Variants in COL18A1 observed in about 807,000 individuals in gnomAD.
COL18A1 encodes collagen type XVIII alpha 1 chain, also known as collagen alpha-1(XVIII) chain.
COL18A1 carries 133 observed loss-of-function variants against 168.0 expected under a neutral mutation model. The observed-to-expected ratio is 0.79, with a 90% confidence interval of 0.69 to 0.91. COL18A1 has a LOEUF of 0.91. COL18A1 is among the 40% of genes least tolerant of loss of function. The probability of loss-of-function intolerance (pLI) is 0.00; values close to 1 mark genes in which losing one functional copy is unlikely to be tolerated. For synonymous variants in COL18A1, 949 were observed against 809.0 expected, an observed-to-expected ratio of 1.17 and a Z score of -2.94; for missense variants, 2,126 against 1,925.4, an observed-to-expected ratio of 1.10 and a Z score of -1.95.
intron 2 of COL18A1, among the ~76,000 whole-genome samples, chr21:45,427,565 C>T (rs766079585): frequency 7.9e-5 from 12 of 152,324 alleles, no homozygotes; most frequent in Admixed American, 3.3e-4. Context: ...CACACCTCTG[C>T]GGTGTGTCTG....
Position 45,473,336 on chromosome 21 carries a change from G to A in COL18A1, c.652-559G>A, listed in dbSNP as rs1012181801. The stretch of plus-strand genomic sequence containing the variant: ...TGGGTGAGTGAGTGAGATTGGGTCC[G>A]GACGGAATGGGCGCAGAGATCCAGG... On this transcript the variant is annotated intron_variant, in intron 3 of 41. Coordinates refer to ENST00000651438, the MANE Select transcript of COL18A1 (RefSeq NM_001379500.1). This position sits in a 1 kb window ranked among gnomAD's most constrained non-coding sequence, Gnocchi z 4.0. Among the ~76,000 whole-genome samples the A allele has an allele frequency of 6.6e-5, 10 of 152,348 alleles. No homozygotes were observed. Among genetic ancestry groups the A allele is most frequent in the East Asian group, 3.9e-4 (2 of 5,172 alleles).
In COL18A1 at chr21:45,510,882, A is replaced by G. The variant is rs4605457; in HGVS notation, c.3694-229A>G. Among the ~76,000 whole-genome samples the G allele has an allele frequency of 0.64, 96,417 of 149,978 alleles. 31,793 individuals carry two copies. The highest frequency in any genetic ancestry group is 0.79 in the African/African-American group (32,214 of 40,634). On this transcript the variant is annotated intron_variant, in intron 40 of 41. Coordinates refer to ENST00000651438, the MANE Select transcript of COL18A1 (RefSeq NM_001379500.1). ...CTGCCTGGCCAGGCCTGGCTCCCCCACGCTTGTTCCCTGGCAGGACATGCC... is the reference window on the plus strand; with the variant it reads ...CTGCCTGGCCAGGCCTGGCTCCCCCGCGCTTGTTCCCTGGCAGGACATGCC...
At chr21:45,481,803 G>A (rs1377299764) in intron 13 of COL18A1, among the ~76,000 whole-genome samples, 160 bp from the exon 14 acceptor site, 1 of 152,230 alleles carries the variant, frequency 6.6e-6, no homozygotes, top group Non-Finnish European at 1.5e-5. Context: ...TACGCAGGCT[G>A]TGGGGTCTCC....
chr21:45,484,637 G>A (rs919397373), intron 15 of COL18A1, among the ~76,000 whole-genome samples: 6 of 151,800 alleles, frequency 4.0e-5, no homozygotes, highest in African/African-American at 2.4e-5. Context: ...TCTGGGGCAT[G>A]TGCACACGCA....
rs557456475 is a variant in COL18A1, at chr21:45,443,596, C to T, written c.107-24646C>T. On this transcript the variant is annotated intron_variant, in intron 2 of 41. Transcript: ENST00000651438. The surrounding 1 kb of genome is among the most constrained non-coding windows in gnomAD (Gnocchi z 5.2). ...GTGTGGACTGTGCTGAACTGTTCTC[C>T]GACAGGCGGCCCTTTTTCTCCCACG... Among the ~76,000 whole-genome samples, 126 of 152,102 alleles carry T rather than the reference C, an allele frequency of 8.3e-4. No homozygotes were observed. Among genetic ancestry groups the T allele is most frequent in the Non-Finnish European group, 4.7e-4 (32 of 68,002 alleles).
chr21:45,506,087 T>G (rs1277826326), intron 37 of COL18A1, 121 bp downstream of exon 37: 1 of 1,478,220 alleles, frequency 6.8e-7, no homozygotes, highest in Non-Finnish European at 9.3e-7. Flanking sequence ...AGCCAGCGCT[T>G]CTTAAACTTT....
At chr21:45,459,594 T>C (rs1336316955) in intron 2 of COL18A1, among the ~76,000 whole-genome samples, 1 of 152,094 alleles carries the variant, frequency 6.6e-6, no homozygotes, top group Non-Finnish European at 1.5e-5. Flanking sequence ...TGCTGGGGCG[T>C]GGGGGGCGCT....
At chr21:45,451,506 G>A (rs2034621565) in intron 2 of COL18A1, among the ~76,000 whole-genome samples, 1 of 152,218 alleles carries the variant, frequency 6.6e-6, no homozygotes, top group Non-Finnish European at 1.5e-5. Flanking sequence ...CCACGGGGTT[G>A]GCGAGCCATG....
At position 45,468,477 on chromosome 21, in the gene COL18A1, G is replaced by A. The variant is rs765122462; in HGVS notation, c.342G>A (p.Ser114=). ...GGGTGCTGTTCGCCATCACGGACTCGGCGCAGGCCATGGTCTTGCTGGGCG... is the reference window on the plus strand; with the variant it reads ...GGGTGCTGTTCGCCATCACGGACTCAGCGCAGGCCATGGTCTTGCTGGGCG... ...GPGVLFAITD[S]AQAMVLLGVK... The change falls in exon 3 of 42, where the codon TCG becomes TCA. Residue 114 remains serine, a synonymous_variant. Coordinates refer to ENST00000651438, the MANE Select transcript of COL18A1 (RefSeq NM_001379500.1). 6 of 1,613,934 alleles carry A rather than the reference G, an allele frequency of 3.7e-6. No individual in the cohort carries two copies. The highest frequency in any genetic ancestry group is 1.1e-5 in the South Asian group (1 of 91,090).
At chr21:45,431,104 C>G (rs78754819) in intron 2 of COL18A1, among the ~76,000 whole-genome samples, 1 of 152,164 alleles carries the variant, frequency 6.6e-6, no homozygotes, top group East Asian at 1.9e-4. Flanking sequence ...CGCTCCTGTG[C>G]GGGAGGAGGT....
intron 2 of COL18A1, among the ~76,000 whole-genome samples, chr21:45,411,759 C>CGGGGGGGGGGGGGG (rs1437966551): frequency 6.6e-4 from 5 of 7,574 alleles, no homozygotes; most frequent in African/African-American, 2.7e-3. Context: ...GGGCTGATGG[C>CGGGGGGGGGGGGGG]GGGGGGTGGG....
At chr21:45,468,815 A>T in intron 3 of COL18A1, 29 bp downstream of exon 3, 1 of 1,444,040 alleles carries the variant, frequency 6.9e-7, no homozygotes, top group Non-Finnish European at 9.4e-7. Context: ...TCGCTGGGGG[A>T]CTGGAGCAGC....
chr21:45,476,770 A>G (rs1289586066), intron 6 of COL18A1, among the ~76,000 whole-genome samples: 1 of 134,558 alleles, frequency 7.4e-6, no homozygotes, highest in Non-Finnish European at 1.6e-5. Context: ...TGGTGTGTGT[A>G]TTGTGTGTGG....
In COL18A1 at chr21:45,509,516, C is replaced by T; in HGVS notation, c.3410C>T (p.Ala1137Val). 1 of 1,532,404 alleles carries T rather than the reference C, an allele frequency of 6.5e-7. No homozygotes were observed. The highest frequency in any genetic ancestry group is 8.8e-7 in the Non-Finnish European group (1 of 1,138,254). 94.9% of individuals were successfully genotyped at this position (1,532,404 alleles called of 1,614,324 possible). ...RLPEPQPYPG[A>V]PHHSSYVHLR... is the part of the protein sequence containing the mutation. The stretch of plus-strand genomic sequence containing the variant: ...CCCGAGCCCCAGCCCTACCCCGGAG[C>T]CCCGCACCACAGCTCCTACGTGCAC... The change falls in exon 39 of 42, where the codon GCC becomes GTC. Residue 1137 changes from alanine (A) to valine (V), a missense_variant. By Grantham distance (64) the Ala-to-Val change is moderately conservative. Transcript: ENST00000651438.
At chr21:45,438,145 C>G (rs2034247147) in intron 2 of COL18A1, among the ~76,000 whole-genome samples, 2 of 104,304 alleles carry the variant, frequency 1.9e-5, no homozygotes, top group Non-Finnish European at 3.8e-5. Flanking sequence ...CACACACTCA[C>G]TCAGACACAG....
At chr21:45,455,918 G>C in intron 2 of COL18A1, 1 of 1,613,096 alleles carries the variant, frequency 6.2e-7, no homozygotes, top group Non-Finnish European at 8.5e-7. Context: ...GCTGTGGAAT[G>C]ACACTGTCCC....
chr21:45,498,370 C>A lies in COL18A1; in HGVS notation c.2683+709C>A, dbSNP rs538929209. On this transcript the variant is annotated intron_variant, in intron 32 of 41. Coordinates refer to ENST00000651438, the MANE Select transcript of COL18A1 (RefSeq NM_001379500.1). The surrounding 1 kb of genome is among the most constrained non-coding windows in gnomAD (Gnocchi z 4.5). Reference sequence around the variant, plus strand: ...CCGCCAGGGTTCCCTCTCGCCACCACGGTCCCCTCTCGCCGCCAGGGTCCC... The same window carrying A: ...CCGCCAGGGTTCCCTCTCGCCACCAAGGTCCCCTCTCGCCGCCAGGGTCCC... The A allele has an allele frequency of 7.5e-6, 5 of 667,142 alleles. No individual in the cohort carries two copies. The South Asian group carries it at 8.1e-5, about 11-fold the overall frequency. The allele number at this position is 667,142 out of a possible 1,614,324, so 41.3% of individuals were successfully genotyped here. A position where few individuals can be genotyped will look rare whatever the true frequency, so the allele number is the denominator to read the frequency against.
chr21:45,421,326 A>G (rs560394238), intron 2 of COL18A1: 6 of 483,688 alleles, frequency 1.2e-5, no homozygotes, highest in African/African-American at 9.8e-5. Flanking sequence ...TCACGCTTGC[A>G]CGGGGCAGAG....
Position 45,434,859 on chromosome 21 carries a change from G to C in COL18A1, c.106+29386G>C, listed in dbSNP as rs569527274. 1.6e-4 allele frequency among the ~76,000 whole-genome samples: 24 copies of C among 152,302 alleles called. No individual in the cohort carries two copies. The South Asian group carries it at 4.8e-3, about 30-fold the overall frequency. On this transcript the variant is annotated intron_variant, in intron 2 of 41. Transcript: ENST00000651438. ...TTTTGGGCTGTGCTGGGGTCTCTCT[G>C]GTGAGGGGTGACCCAGGGCCTTTGA...
Sources: allele counts gnomAD v4.1 joint callset (sites outside exome capture counted in the v4.1 genomes callset), GRCh38; gene constraint gnomAD v4.1.1; non-coding constraint Gnocchi (gnomAD v3.1); transcripts MANE v1.5; gene names NCBI Gene and HGNC (gene_info 2026-07-23, HGNC 2026-07-21).